Variants in VPS13B observed in about 807,000 individuals in gnomAD.
VPS13B encodes the protein intermembrane lipid transfer protein VPS13B.
VPS13B carries 285 observed loss-of-function variants against 426.4 expected under a neutral mutation model. That is an observed-to-expected ratio of 0.67 (90% confidence interval 0.61 to 0.74). The LOEUF is 0.74. Ranked by LOEUF, VPS13B falls within the 30% of genes least tolerant of loss-of-function variation. The pLI, the probability that VPS13B is intolerant of heterozygous loss-of-function variation, is 0.00. For synonymous variants in VPS13B, 1,676 were observed against 1,676.4 expected, an observed-to-expected ratio of 1.00 and a Z score of 0.01; for missense variants, 4,537 against 4,782.6, an observed-to-expected ratio of 0.95 and a Z score of 1.51.
At chr8:99,512,748 G>T (rs1019164434) in intron 29 of VPS13B, among the ~76,000 whole-genome samples, 1 of 152,156 alleles carries the variant, frequency 6.6e-6, no homozygotes, top group Admixed American at 6.5e-5. Flanking sequence ...GGTGGCTCAC[G>T]CCTGTAATCC....
At chr8:99,654,030 TG>T (rs1829925904) in intron 34 of VPS13B, among the ~76,000 whole-genome samples, 1 of 150,834 alleles carries the variant, frequency 6.6e-6, no homozygotes, top group African/African-American at 2.4e-5. Flanking sequence ...ATGATGATGA[TG>T]ATTATTATTA....
chr8:99,349,428 C>T (rs1317377519), intron 19 of VPS13B, among the ~76,000 whole-genome samples: 4 of 151,256 alleles, frequency 2.6e-5, no homozygotes, highest in African/African-American at 4.9e-5. Context: ...ACTTAAGATC[C>T]CCCACAAATG....
At chr8:99,431,348 C>T (rs1161301833) in intron 21 of VPS13B, among the ~76,000 whole-genome samples, 189 bp from the exon 22 acceptor site, 1 of 152,090 alleles carries the variant, frequency 6.6e-6, no homozygotes, top group Non-Finnish European at 1.5e-5. Flanking sequence ...ACAAATTAGG[C>T]CTGCTTATTT....
chr8:99,339,704 C>G (rs113673966), intron 19 of VPS13B, among the ~76,000 whole-genome samples: 5,941 of 151,584 alleles, frequency 0.039, 186 homozygotes, highest in Middle Eastern at 0.071. Flanking sequence ...CATTGCACAA[C>G]AAAGTATGCT....
intron 21 of VPS13B, among the ~76,000 whole-genome samples, chr8:99,392,713 G>A (rs1026833750): frequency 6.6e-6 from 1 of 151,970 alleles, no homozygotes; most frequent in African/African-American, 2.4e-5. Context: ...AAATAAATTT[G>A]TTTATGGTAT....
chr8:99,053,868 A>G (rs187349323), intron 3 of VPS13B, among the ~76,000 whole-genome samples: 71 of 151,902 alleles, frequency 4.7e-4, no homozygotes, highest in African/African-American at 1.6e-3. Flanking sequence ...ACCCCCGGCT[A>G]ATTTTTATAT....
chr8:99,458,252 A>G (rs891386103), intron 23 of VPS13B, among the ~76,000 whole-genome samples: 2 of 152,110 alleles, frequency 1.3e-5, no homozygotes, highest in African/African-American at 4.8e-5. Flanking sequence ...TGAACTCATC[A>G]TTTTTTATGG....
At chr8:99,152,977 G>T (rs1811154134) in intron 14 of VPS13B, among the ~76,000 whole-genome samples, 2 of 152,098 alleles carry the variant, frequency 1.3e-5, no homozygotes, top group African/African-American at 4.8e-5. Context: ...AGGAGTTTGA[G>T]ACCAGCTTGG....
chr8:99,722,877 G>A (rs975777426), intron 39 of VPS13B, among the ~76,000 whole-genome samples: 9 of 152,136 alleles, frequency 5.9e-5, no homozygotes, highest in African/African-American at 9.7e-5. Context: ...ATGAAAATAC[G>A]CATACATTAA....
At chr8:99,246,313 T>C (rs1464727617) in intron 17 of VPS13B, among the ~76,000 whole-genome samples, 2 of 152,238 alleles carry the variant, frequency 1.3e-5, no homozygotes, top group East Asian at 3.8e-4. Flanking sequence ...ATAAAATCTT[T>C]TTGTGTCAAT....
intron 25 of VPS13B, among the ~76,000 whole-genome samples, chr8:99,501,348 T>C (rs187410546): frequency 4.2e-4 from 64 of 152,248 alleles, no homozygotes; most frequent in African/African-American, 1.3e-3. Flanking sequence ...CTAGTAAAAA[T>C]TTATTCCCCA....
At chr8:99,383,627 C>T (rs1403211971) in intron 19 of VPS13B, among the ~76,000 whole-genome samples, 2 of 152,092 alleles carry the variant, frequency 1.3e-5, no homozygotes, top group East Asian at 1.9e-4. Flanking sequence ...TCTACTCTCC[C>T]CTCTCACAGG....
At chr8:99,388,459 C>T (rs771861711) in intron 20 of VPS13B, among the ~76,000 whole-genome samples, 1 of 151,790 alleles carries the variant, frequency 6.6e-6, no homozygotes, top group Non-Finnish European at 1.5e-5. Flanking sequence ...TAGGATGCAG[C>T]TATGAAAAGC....
intron 29 of VPS13B, among the ~76,000 whole-genome samples, chr8:99,512,184 T>C (rs1173691215): frequency 6.6e-6 from 1 of 152,266 alleles, no homozygotes; most frequent in African/African-American, 2.4e-5. Flanking sequence ...TATCTTAAAA[T>C]TAATTACTTT....
chr8:99,138,934 A>C (rs933511866), intron 12 of VPS13B, among the ~76,000 whole-genome samples: 47 of 152,212 alleles, frequency 3.1e-4, no homozygotes, highest in African/African-American at 1.1e-3. Flanking sequence ...CCTCTCCTGC[A>C]GTTTTTAAAA....
At chr8:99,607,174 A>G (rs1039497161) in intron 33 of VPS13B, among the ~76,000 whole-genome samples, 1 of 152,228 alleles carries the variant, frequency 6.6e-6, no homozygotes, top group Admixed American at 6.5e-5. Context: ...AAGAGAAAGT[A>G]TATAACCTTC....
At chr8:99,276,390 G>C (rs1818895752) in intron 19 of VPS13B, among the ~76,000 whole-genome samples, 1 of 152,048 alleles carries the variant, frequency 6.6e-6, no homozygotes, top group South Asian at 2.1e-4. Flanking sequence ...AATGATCAGA[G>C]GATGGCTCCA....
intron 41 of VPS13B, among the ~76,000 whole-genome samples, chr8:99,777,534 G>T (rs574147515): frequency 6.6e-6 from 1 of 152,248 alleles, no homozygotes; most frequent in East Asian, 1.9e-4. Context: ...CCCACAACAC[G>T]TGGGAATTCA....
At chr8:99,343,695 C>CAGCAACAAG (rs1811375284) in intron 19 of VPS13B, among the ~76,000 whole-genome samples, 1 of 152,140 alleles carries the variant, frequency 6.6e-6, no homozygotes, top group African/African-American at 2.4e-5. Flanking sequence ...TTTACAATAG[C>CAGCAACAAG]AGCAACAACA....
Sources: gnomAD v4.1 joint callset for allele counts (sites outside exome capture counted in the v4.1 genomes callset) on GRCh38, gnomAD v4.1.1 for gene constraint, MANE v1.5 for transcripts, NCBI Gene and HGNC (gene_info 2026-07-23, HGNC 2026-07-21) for gene names.